Variants in MAML3 observed in about 807,000 individuals in gnomAD.
MAML3 encodes the protein mastermind like transcriptional coactivator 3, also known as mastermind-like protein 3.
In MAML3, 27 loss-of-function variants were observed where a neutral mutation model predicts 101.9. That is an observed-to-expected ratio of 0.27 (90% CI 0.20 to 0.37). The LOEUF (loss-of-function observed/expected upper bound fraction) is 0.37. MAML3 is among the 10% of genes least tolerant of loss of function. MAML3 has a pLI of 1.00. For missense variants in MAML3, 1,316 were observed against 1,444.9 expected (o/e 0.91, Z 1.45); for synonymous variants, 501 against 555.9 (o/e 0.90, Z 1.39).
chr4:140,110,017 G>A (rs1441218188), intron 1 of MAML3, among the ~76,000 whole-genome samples: 2 of 152,194 alleles, frequency 1.3e-5, no homozygotes, highest in Non-Finnish European at 2.9e-5. Flanking sequence ...GGAATCTTAA[G>A]TGGAAAACGG....
chr4:139,967,962 CAA>C (rs200126630), intron 1 of MAML3, among the ~76,000 whole-genome samples: 41,848 of 102,546 alleles, frequency 0.41, 6,551 homozygotes, highest in East Asian at 0.63. Context: ...GACCCTGTCT[CAA>C]AAAAAAAAAA....
At chr4:139,731,529 A>C (rs1357177820) in intron 2 of MAML3, 1 of 151,820 alleles carries the variant, frequency 6.6e-6, no homozygotes, top group African/African-American at 2.5e-5. Context: ...AAGGCAGAGA[A>C]TTGCTTGAAC....
chr4:139,957,369 G>C (rs1290233298), intron 1 of MAML3, among the ~76,000 whole-genome samples: 3 of 152,204 alleles, frequency 2.0e-5, no homozygotes, highest in Non-Finnish European at 4.4e-5. Flanking sequence ...ATCCAACCAG[G>C]CTCTGCTAGA....
intron 1 of MAML3, among the ~76,000 whole-genome samples, chr4:139,995,429 A>G (rs2110834915): frequency 6.6e-6 from 1 of 152,324 alleles, no homozygotes; most frequent in African/African-American, 2.4e-5. Flanking sequence ...AAGGATTTAT[A>G]TATATATGAT....
intron 1 of MAML3, among the ~76,000 whole-genome samples, chr4:140,021,092 A>T (rs942765595): frequency 6.6e-6 from 1 of 152,222 alleles, no homozygotes; most frequent in Admixed American, 6.5e-5. Flanking sequence ...CAATACGTGG[A>T]GAAAAGAAGA....
intron 2 of MAML3, among the ~76,000 whole-genome samples, chr4:139,774,199 T>G (rs1347338571): frequency 6.6e-6 from 1 of 152,188 alleles, no homozygotes; most frequent in East Asian, 1.9e-4. Flanking sequence ...GCAGAAATAA[T>G]GGTCAAAATG....
chr4:139,989,016 C>T (rs1049733080), intron 1 of MAML3, among the ~76,000 whole-genome samples: 7 of 152,184 alleles, frequency 4.6e-5, no homozygotes, highest in Admixed American at 3.3e-4. Context: ...CTTGATTCCT[C>T]GCAGAGGCAG....
At chr4:139,788,396 C>T (rs59519962) in intron 2 of MAML3, among the ~76,000 whole-genome samples, 2 of 152,256 alleles carry the variant, frequency 1.3e-5, no homozygotes, top group African/African-American at 4.8e-5. Context: ...TGATTATTTC[C>T]TGATTTCTTA....
chr4:139,931,857 A>AG, intron 1 of MAML3, among the ~76,000 whole-genome samples: 1 of 152,122 alleles, frequency 6.6e-6, no homozygotes, highest in Non-Finnish European at 1.5e-5. Flanking sequence ...TAAAAAAAAA[A>AG]AAAATACAAA....
chr4:140,151,694 G>T (rs1013380015), intron 1 of MAML3, among the ~76,000 whole-genome samples: 3 of 149,890 alleles, frequency 2.0e-5, no homozygotes, highest in Admixed American at 6.8e-5. Context: ...GCGGTGCGGG[G>T]GGGGGGGGCA....
intron 2 of MAML3, among the ~76,000 whole-genome samples, chr4:139,789,391 AAGAGTAGT>A (rs1730362853): frequency 6.6e-6 from 1 of 152,152 alleles, no homozygotes; most frequent in Non-Finnish European, 1.5e-5. Context: ...AGTCTGGAAG[AAGAGTAGT>A]ATTTCACAAG....
chr4:139,897,712 G>A (rs1231118213), intron 1 of MAML3, among the ~76,000 whole-genome samples: 1 of 152,040 alleles, frequency 6.6e-6, no homozygotes, highest in African/African-American at 2.4e-5. Context: ...TCCATACATT[G>A]TGAATCTGAT....
chr4:140,152,913 G>A lies in MAML3; in HGVS notation c.415C>T (p.Gln139Ter). Residue 139 changes from glutamine to a stop codon, truncating the protein, a stop_gained, in exon 1 of 5, where the codon CAG (glutamine) becomes TAG (stop). Transcript: ENST00000509479. LOFTEE classifies it high-confidence loss of function. ...TGKQQHPSKP[Q>*]QDAEAASAEQ... is the part of the protein sequence containing the mutation. ...GCCGAGGCAGCCTCCGCATCTTGCT[G>A]GGGTTTGCTCGGGTGCTGCTGTTTG... The A allele has an allele frequency of 6.2e-7, 1 of 1,612,746 alleles. No homozygotes were observed. The highest frequency in any genetic ancestry group is 8.5e-7 in the Non-Finnish European group (1 of 1,179,726).
intron 1 of MAML3, among the ~76,000 whole-genome samples, chr4:139,986,137 T>C (rs1734534379): frequency 6.6e-6 from 1 of 152,244 alleles, no homozygotes; most frequent in African/African-American, 2.4e-5. Context: ...TTGTTTCCTA[T>C]GGACTGATAA....
intron 2 of MAML3, among the ~76,000 whole-genome samples, chr4:139,778,780 G>A (rs929280654): frequency 6.6e-6 from 1 of 151,800 alleles, no homozygotes; most frequent in East Asian, 1.9e-4. Context: ...GTCAAGAGAC[G>A]GAGACCATCC....
At chr4:139,724,767 T>G (rs1579361390) in intron 4 of MAML3, among the ~76,000 whole-genome samples, 1 of 138,192 alleles carries the variant, frequency 7.2e-6, no homozygotes, top group Non-Finnish European at 1.6e-5. Context: ...TATAAGACCC[T>G]CAAGGGTCTT....
At chr4:139,838,313 G>A (rs959684286) in intron 2 of MAML3, among the ~76,000 whole-genome samples, 1 of 152,114 alleles carries the variant, frequency 6.6e-6, no homozygotes, top group Non-Finnish European at 1.5e-5. Context: ...GCTTTATTTT[G>A]GGGTTTATTT....
intron 1 of MAML3, among the ~76,000 whole-genome samples, chr4:140,049,786 T>C (rs114850659): frequency 1.3e-5 from 2 of 152,226 alleles, no homozygotes; most frequent in Non-Finnish European, 2.9e-5. Flanking sequence ...TACAGTGAGT[T>C]TACTCGGTTT....
chr4:139,835,300 T>C (rs1362712786), intron 2 of MAML3, among the ~76,000 whole-genome samples: 1 of 152,260 alleles, frequency 6.6e-6, no homozygotes, highest in Non-Finnish European at 1.5e-5. Context: ...TTTTAGTTTA[T>C]GCCTCAGGGC....
Sources: allele counts gnomAD v4.1 joint callset (sites outside exome capture counted in the v4.1 genomes callset), GRCh38; gene constraint gnomAD v4.1.1; transcripts MANE v1.5; gene names NCBI Gene and HGNC (gene_info 2026-07-23, HGNC 2026-07-21).